CDS2: variants seen among roughly 807,000 people sequenced by gnomAD.
The protein encoded by CDS2 is CDP-diacylglycerol synthase 2.
Under a neutral mutation model 59.0 loss-of-function variants are expected in CDS2, and 47 were observed. The observed-to-expected ratio is 0.80, with a 90% confidence interval of 0.63 to 1.02. The LOEUF is 1.02. Ranked by LOEUF, CDS2 falls within the 50% of genes least tolerant of loss-of-function variation. The probability of loss-of-function intolerance (pLI) is 0.00; values close to 1 mark genes in which losing one functional copy is unlikely to be tolerated. For missense variants in CDS2, 356 were observed against 558.9 expected (o/e 0.64, Z 3.66); for synonymous variants, 207 against 206.4 (o/e 1.00, Z -0.02).
intron 3 of CDS2, 110 bp from the exon 4 acceptor site, chr20:5,176,538 C>T (rs1288796152): frequency 2.4e-5 from 19 of 804,652 alleles, no homozygotes; most frequent in Middle Eastern, 2.2e-4. Context: ...ACTGGAGGCC[C>T]GATATTTTTC....
chr20:5,174,522 G>T (rs2090980048), intron 2 of CDS2, among the ~76,000 whole-genome samples: 1 of 152,070 alleles, frequency 6.6e-6, no homozygotes, highest in South Asian at 2.1e-4. Context: ...GGATCAGGAG[G>T]TCAGGAGATC....
At chr20:5,149,446 A>G (rs1409461736) in intron 1 of CDS2, among the ~76,000 whole-genome samples, 2 of 152,054 alleles carry the variant, frequency 1.3e-5, no homozygotes, top group East Asian at 3.8e-4. Context: ...GTGTTGTTCC[A>G]TTTGAAGTAT....
chr20:5,134,361 C>G (rs375691010), intron 1 of CDS2, among the ~76,000 whole-genome samples: 1 of 152,058 alleles, frequency 6.6e-6, no homozygotes, highest in Non-Finnish European at 1.5e-5. Context: ...TGGACGGTGT[C>G]TGTATTTCTG....
In CDS2 at chr20:5,184,531, AAG is replaced by A. The variant is rs1436365970; in HGVS notation, c.672-325_672-324del. Among the ~76,000 whole-genome samples, 1 of 152,222 alleles carries A rather than the reference AAG, an allele frequency of 6.6e-6. No homozygotes were observed. Among genetic ancestry groups the A allele is most frequent in the Non-Finnish European group, 1.5e-5 (1 of 68,036 alleles). ...TGGGAATGGAGATAGGGATGGGAGA[AAG>A]AAGGAAAACTTTTTGTTCCTTTTAC... is the stretch of plus-strand genomic sequence containing the variant. On this transcript the variant is annotated intron_variant, in intron 7 of 12. Transcript: ENST00000460006. This position sits in a 1 kb window ranked among gnomAD's most constrained non-coding sequence, Gnocchi z 4.3.
rs2091113603 is a variant in CDS2, at chr20:5,191,410, TG to T, written c.*1177del. On this transcript the variant is annotated 3_prime_UTR_variant, in exon 13 of 13. Coordinates refer to ENST00000460006, the MANE Select transcript of CDS2 (RefSeq NM_003818.4). ...TTTCGTTGTTGTTGTTTGCTTAAACTGTGATTTTTTTTCCCCTCCCTAATTT... is the reference window on the plus strand; with the variant it reads ...TTTCGTTGTTGTTGTTTGCTTAAACTTGATTTTTTTTCCCCTCCCTAATTT... 6.6e-6 allele frequency: 1 copy of T among 151,526 alleles called. No homozygotes were observed. The highest frequency in any genetic ancestry group is 6.6e-5 in the Admixed American group (1 of 15,236). The allele number at this position is 151,526 out of a possible 1,614,324, so 9.4% of individuals were successfully genotyped here.
At chr20:5,171,044 G>A (rs547840350) in intron 1 of CDS2, among the ~76,000 whole-genome samples, 15 of 152,224 alleles carry the variant, frequency 9.9e-5, no homozygotes, top group Non-Finnish European at 1.6e-4. Flanking sequence ...AACAATAGTT[G>A]CGATATCTTT....
At chr20:5,164,703 C>T (rs2123022435) in intron 1 of CDS2, among the ~76,000 whole-genome samples, 1 of 152,180 alleles carries the variant, frequency 6.6e-6, no homozygotes, top group Non-Finnish European at 1.5e-5. Flanking sequence ...ATAGAGATGC[C>T]CGACTAAGGA....
At chr20:5,182,488 A>G (rs1342623004) in intron 6 of CDS2, 43 bp downstream of exon 6, 1 of 1,568,046 alleles carries the variant, frequency 6.4e-7, no homozygotes. Flanking sequence ...CTTGATTTAA[A>G]TGAAGTTTTT....
intron 1 of CDS2, among the ~76,000 whole-genome samples, chr20:5,149,960 C>T (rs2090775701): frequency 6.6e-6 from 1 of 152,026 alleles, no homozygotes; most frequent in Admixed American, 6.6e-5. Flanking sequence ...GTTGATCCAC[C>T]CACTTCGGCC....
intron 6 of CDS2, 74 bp downstream of exon 6, chr20:5,182,519 C>T (rs2123057200): frequency 7.4e-7 from 1 of 1,348,052 alleles, no homozygotes; most frequent in Non-Finnish European, 1.0e-6. Flanking sequence ...ACAAGCCTTT[C>T]ATGCTTTCTG....
chr20:5,151,750 C>CT (rs57378947), intron 1 of CDS2, among the ~76,000 whole-genome samples: 3,318 of 53,054 alleles, frequency 0.063, 865 homozygotes, highest in Non-Finnish European at 0.096. Context: ...GACTCCATGT[C>CT]TTTTTTTTTT....
At chr20:5,188,129 A>G (rs1374417880) in intron 10 of CDS2, among the ~76,000 whole-genome samples, 1 of 152,072 alleles carries the variant, frequency 6.6e-6, no homozygotes, top group Non-Finnish European at 1.5e-5. Context: ...GTATAATGAA[A>G]TGTGTCTACA....
intron 5 of CDS2, 22 bp downstream of exon 5, chr20:5,178,978 A>G (rs757940274): frequency 3.7e-6 from 6 of 1,609,866 alleles, no homozygotes; most frequent in East Asian, 2.2e-5. Context: ...GCAGTTCACC[A>G]TTTCTTGTGT....
At chr20:5,165,709 G>A (rs1325393320) in intron 1 of CDS2, among the ~76,000 whole-genome samples, 2 of 152,112 alleles carry the variant, frequency 1.3e-5, no homozygotes, top group African/African-American at 4.8e-5. Flanking sequence ...CCACGGTGGG[G>A]AGCACTCCTA....
intron 6 of CDS2, among the ~76,000 whole-genome samples, chr20:5,182,835 A>T (rs1452554070): frequency 6.6e-6 from 1 of 152,208 alleles, no homozygotes; most frequent in Non-Finnish European, 1.5e-5. Flanking sequence ...AATGAAAAAT[A>T]CCCAGGCTTT....
In CDS2 at chr20:5,190,284, C is replaced by A. The variant is rs759334380; in HGVS notation, c.*50C>A. On this transcript the variant is annotated 3_prime_UTR_variant, in exon 13 of 13. Transcript: ENST00000460006. ...GGAACAGAACTGAGCAGGGGCAGGTCTCCAAGGCAAGCCCAGCTGGTGTGA... is the reference window on the plus strand; with the variant it reads ...GGAACAGAACTGAGCAGGGGCAGGTATCCAAGGCAAGCCCAGCTGGTGTGA... 1.3e-6 allele frequency: 2 copies of A among 1,555,058 alleles called. No homozygotes were observed. The highest frequency in any genetic ancestry group is 3.7e-5 in the Admixed American group (2 of 54,038).
intron 1 of CDS2, among the ~76,000 whole-genome samples, chr20:5,142,404 G>A (rs756984548): frequency 3.3e-5 from 5 of 151,854 alleles, no homozygotes; most frequent in Non-Finnish European, 5.9e-5. Context: ...CCAAGATCAC[G>A]CCACTGCATT....
chr20:5,195,307 G>C lies in CDS2; in HGVS notation c.*5073G>C, dbSNP rs2091148317. Reference sequence around the variant, plus strand: ...ACTGCCACCACCCTGCACACAGTCTGGGTCCCTCCGAGAGAAGCACGCCAA... The same window carrying C: ...ACTGCCACCACCCTGCACACAGTCTCGGTCCCTCCGAGAGAAGCACGCCAA... On this transcript the variant is annotated 3_prime_UTR_variant, in exon 13 of 13. Coordinates refer to ENST00000460006, the MANE Select transcript of CDS2 (RefSeq NM_003818.4). The C allele has an allele frequency of 6.6e-6, 1 of 152,446 alleles. No homozygotes were observed. The highest frequency in any genetic ancestry group is 1.5e-5 in the Non-Finnish European group (1 of 68,090). The allele number at this position is 152,446 out of a possible 1,614,324, so 9.4% of individuals were successfully genotyped here.
At chr20:5,127,177 C>T in intron 1 of CDS2, 28 bp downstream of exon 1, 1 of 1,475,698 alleles carries the variant, frequency 6.8e-7, no homozygotes. Context: ...GTGGGCGCGG[C>T]CGGGACAGCG....
Sources: gnomAD v4.1 joint callset for allele counts (sites outside exome capture counted in the v4.1 genomes callset) on GRCh38, gnomAD v4.1.1 for gene constraint, Gnocchi (gnomAD v3.1) non-coding constraint, MANE v1.5 for transcripts, NCBI Gene and HGNC (gene_info 2026-07-23, HGNC 2026-07-21) for gene names.